ASXL3: variants seen among roughly 807,000 people sequenced by gnomAD.
The protein encoded by ASXL3 is putative Polycomb group protein ASXL3.
In ASXL3, 34 loss-of-function variants were observed where a neutral mutation model predicts 170.6. The ratio of observed to expected loss-of-function variants is 0.20; its 90% CI spans 0.15 to 0.27. ASXL3 has a LOEUF of 0.27. Among genes scored for constraint, ASXL3 ranks in the 10% least tolerant of loss-of-function variants. The pLI is 1.00. For synonymous variants in ASXL3, 1,002 were observed against 989.1 expected (o/e 1.01, Z -0.24); for missense variants, 2,592 against 2,695.3 (o/e 0.96, Z 0.85).
At chr18:33,608,922 T>C (rs1310608243) in intron 2 of ASXL3, 1 of 483,646 alleles carries the variant, frequency 2.1e-6, no homozygotes. Flanking sequence ...CATCACAATT[T>C]ACTGGCGTAC....
chr18:33,635,222 A>G (rs1489703577), intron 2 of ASXL3, among the ~76,000 whole-genome samples: 8 of 152,210 alleles, frequency 5.3e-5, no homozygotes, highest in Non-Finnish European at 8.8e-5. Flanking sequence ...CACTATCGCT[A>G]TGTAAATGAG....
At chr18:33,639,506 A>G (rs1007165270) in intron 2 of ASXL3, among the ~76,000 whole-genome samples, 15 of 152,188 alleles carry the variant, frequency 9.9e-5, no homozygotes, top group African/African-American at 2.9e-4. Context: ...ATAATTAAAG[A>G]TAACCACCTC....
intron 7 of ASXL3, among the ~76,000 whole-genome samples, chr18:33,675,954 A>C (rs34728432): frequency 1.1e-3 from 160 of 151,750 alleles, no homozygotes; most frequent in Non-Finnish European, 1.8e-3. Context: ...GGCTGGGTGC[A>C]GTGGCTCACA....
chr18:33,618,320 G>A (rs1001112968), intron 2 of ASXL3, among the ~76,000 whole-genome samples: 3 of 152,008 alleles, frequency 2.0e-5, no homozygotes, highest in Non-Finnish European at 4.4e-5. Context: ...GGCCTGTGCT[G>A]GTGCAGTGCA....
rs778292189 is a variant in ASXL3, at chr18:33,743,928, T to A, written c.4080T>A (p.Ile1360=). The A allele has an allele frequency of 1.3e-5, 21 of 1,613,940 alleles. No individual in the cohort carries two copies. Among genetic ancestry groups the A allele is most frequent in the Middle Eastern group, 3.3e-4 (2 of 6,062 alleles). ...ACCTCTCCACTAGCTCTGTCTTGAT[T>A]CCCCCAATGGGAATTAACAACAGAT... ...LPNLSTSSVL[I]PPMGINNRFP... Residue 1360 remains isoleucine, a synonymous_variant, in exon 12 of 12, where the codon ATT becomes ATA. Coordinates refer to ENST00000269197, the MANE Select transcript of ASXL3 (RefSeq NM_030632.3).
At chr18:33,675,979 C>G (rs944429635) in intron 7 of ASXL3, among the ~76,000 whole-genome samples, 1 of 151,982 alleles carries the variant, frequency 6.6e-6, no homozygotes, top group South Asian at 2.1e-4. Context: ...TAATCCAGCA[C>G]TTTGGGAGGC....
At chr18:33,700,247 A>C (rs988068153) in intron 8 of ASXL3, among the ~76,000 whole-genome samples, 2 of 152,044 alleles carry the variant, frequency 1.3e-5, no homozygotes, top group Non-Finnish European at 2.9e-5. Flanking sequence ...AAAAATAGGA[A>C]TCGGTGGCTT....
chr18:33,644,874 T>G lies in ASXL3; in HGVS notation c.138-20T>G. 6.7e-7 allele frequency: 1 copy of G among 1,495,696 alleles called. No homozygotes were observed. The highest frequency in any genetic ancestry group is 9.1e-7 in the Non-Finnish European group (1 of 1,098,070). 92.7% of individuals were successfully genotyped at this position (1,495,696 alleles called of 1,614,324 possible). Reference sequence around the variant, plus strand: ...GCTGTACCTCAGACTGCTTCATTTTTGCACACTTTTATTTTCTAGTGGAAC... The same window carrying G: ...GCTGTACCTCAGACTGCTTCATTTTGGCACACTTTTATTTTCTAGTGGAAC... On this transcript the variant is annotated intron_variant, in intron 2 of 11. Coordinates refer to ENST00000269197, the MANE Select transcript of ASXL3 (RefSeq NM_030632.3).
intron 2 of ASXL3, chr18:33,627,155 G>A (rs2065615551): frequency 6.6e-6 from 1 of 152,290 alleles, no homozygotes; most frequent in Non-Finnish European, 1.5e-5. Flanking sequence ...TCATTCCCCT[G>A]TCATTTAGTG....
Position 33,748,856 on chromosome 18 carries a change from C to T in ASXL3, c.*2261C>T, listed in dbSNP as rs118147943. The T allele has an allele frequency of 6.6e-6, 1 of 152,176 alleles. No homozygotes were observed. Among genetic ancestry groups the T allele is most frequent in the Admixed American group, 6.5e-5 (1 of 15,270 alleles). 9.4% of individuals were successfully genotyped at this position (152,176 alleles called of 1,614,324 possible). A position where few individuals can be genotyped will look rare whatever the true frequency, so the allele number is the denominator to read the frequency against. On this transcript the variant is annotated 3_prime_UTR_variant, in exon 12 of 12. Coordinates refer to ENST00000269197, the MANE Select transcript of ASXL3 (RefSeq NM_030632.3). Reference sequence around the variant, plus strand: ...TCGGAAGAAACTCCAGTCTACAGAACCTTTGCACTCAGTATGTGAGGTACA... The same window carrying T: ...TCGGAAGAAACTCCAGTCTACAGAATCTTTGCACTCAGTATGTGAGGTACA...
At chr18:33,742,058 T>C (rs949755248) in intron 11 of ASXL3, among the ~76,000 whole-genome samples, 4 of 152,228 alleles carry the variant, frequency 2.6e-5, no homozygotes, top group Non-Finnish European at 4.4e-5. Flanking sequence ...GATTGTGGAT[T>C]ACCAATATCA....
chr18:33,619,594 C>T (rs2065478693), intron 2 of ASXL3, among the ~76,000 whole-genome samples: 1 of 151,922 alleles, frequency 6.6e-6, no homozygotes, highest in Non-Finnish European at 1.5e-5. Flanking sequence ...AATGTAACTT[C>T]GTACTGTTTG....
chr18:33,671,846 G>A lies in ASXL3; in HGVS notation c.695G>A (p.Arg232Gln), dbSNP rs1350393309. The change falls in exon 7 of 12, where the codon CGA becomes CAA. Residue 232 changes from arginine to glutamine, a missense_variant. This residue lies in a region of ASXL3 where 251 missense variants were observed against 281.9 expected (regional missense o/e 0.89). Transcript: ENST00000269197. Reference sequence around the variant, plus strand: ...AAACAAACAAGTCAGCACTTAAAACGATTAAAAAAGTCTGGTTTAGGTGAG... The same window carrying A: ...AAACAAACAAGTCAGCACTTAAAACAATTAAAAAAGTCTGGTTTAGGTGAG... ...TGKQTSQHLK[R>Q]LKKSGLGHLK... 1.2e-6 allele frequency: 2 copies of A among 1,608,302 alleles called. No homozygotes were observed. The highest frequency in any genetic ancestry group is 1.1e-5 in the South Asian group (1 of 89,356).
chr18:33,681,529 G>T (rs2066515053), intron 7 of ASXL3, among the ~76,000 whole-genome samples: 1 of 151,656 alleles, frequency 6.6e-6, no homozygotes, highest in South Asian at 2.1e-4. Flanking sequence ...TTGATTTATT[G>T]ATAATATTTC....
At chr18:33,667,508 T>C (rs921732410) in intron 5 of ASXL3, among the ~76,000 whole-genome samples, 6 of 152,180 alleles carry the variant, frequency 3.9e-5, no homozygotes, top group African/African-American at 1.4e-4. Context: ...ATCTACTCCG[T>C]TCTTTTTTTG....
rs118083874 is a variant in ASXL3 at position 33,710,997 on chromosome 18, T to C, written c.880-20971T>C. Among the ~76,000 whole-genome samples the C allele has an allele frequency of 4.6e-4, 70 of 152,280 alleles. No individual in the cohort carries two copies. In the East Asian group the frequency reaches 0.013, roughly 28 times the overall value. ...TATAATTGTACTCTTTTCTCTAAGG[T>C]TGATTTTAAAATGTTCTCACTTTTT... On this transcript the variant is annotated intron_variant, in intron 8 of 11. Transcript: ENST00000269197.
intron 8 of ASXL3, among the ~76,000 whole-genome samples, chr18:33,710,829 T>C (rs2067047722): frequency 6.6e-6 from 1 of 152,174 alleles, no homozygotes; most frequent in Non-Finnish European, 1.5e-5. Flanking sequence ...TTTCACTTGA[T>C]CATATTAAAC....
At chr18:33,710,890 G>A (rs2145348104) in intron 8 of ASXL3, among the ~76,000 whole-genome samples, 1 of 151,930 alleles carries the variant, frequency 6.6e-6, no homozygotes, top group East Asian at 1.9e-4. Flanking sequence ...GTTTGGGGGG[G>A]AACAAAGCCT....
At chr18:33,638,641 C>A (rs2065804862) in intron 2 of ASXL3, among the ~76,000 whole-genome samples, 1 of 152,174 alleles carries the variant, frequency 6.6e-6, no homozygotes, top group Non-Finnish European at 1.5e-5. Context: ...GTGGAAAGAG[C>A]ACGGGCTTTG....
Sources: allele counts gnomAD v4.1 joint callset (sites outside exome capture counted in the v4.1 genomes callset), GRCh38; gene constraint gnomAD v4.1.1; regional missense constraint gnomAD v4.1.1; transcripts MANE v1.5; gene names NCBI Gene and HGNC (gene_info 2026-07-23, HGNC 2026-07-21).